The following DYNC1I1 variants were observed in gnomAD, a reference collection of about 807,000 sequenced individuals.
The protein encoded by DYNC1I1 is dynein cytoplasmic 1 intermediate chain 1, also known as cytoplasmic dynein 1 intermediate chain 1.
DYNC1I1 carries 43 observed loss-of-function variants against 86.6 expected under a neutral mutation model. The ratio of observed to expected loss-of-function variants is 0.50; its 90% CI spans 0.39 to 0.64. The LOEUF (loss-of-function observed/expected upper bound fraction) is 0.64, where lower values mean the gene tolerates loss of function less well. Among genes scored for constraint, DYNC1I1 ranks in the 30% least tolerant of loss-of-function variants. The pLI, the probability that DYNC1I1 is intolerant of heterozygous loss-of-function variation, is 0.00. For synonymous variants in DYNC1I1, 262 were observed against 283.7 expected, an observed-to-expected ratio of 0.92 and a Z score of 0.77; for missense variants, 604 against 788.8, an observed-to-expected ratio of 0.77 and a Z score of 2.81.
intron 1 of DYNC1I1, chr7:95,804,261 G>A (rs1307227051): frequency 3.0e-6 from 2 of 668,486 alleles, no homozygotes; most frequent in Non-Finnish European, 4.1e-6. Context: ...TGTTTATTGA[G>A]TCCATAGAAA....
At chr7:95,786,215 G>A (rs967284413) in intron 1 of DYNC1I1, among the ~76,000 whole-genome samples, 18 of 151,848 alleles carry the variant, frequency 1.2e-4, no homozygotes, top group Middle Eastern at 3.2e-3. Flanking sequence ...TCCCCATTGC[G>A]CCCTGCCACC....
intron 6 of DYNC1I1, among the ~76,000 whole-genome samples, chr7:95,922,800 T>G (rs1310907566): frequency 6.6e-6 from 1 of 152,050 alleles, no homozygotes; most frequent in Non-Finnish European, 1.5e-5. Flanking sequence ...TAGAACTATT[T>G]AATTATTTGT....
chr7:96,046,148 G>A (rs1186923236), intron 14 of DYNC1I1, among the ~76,000 whole-genome samples: 3 of 152,180 alleles, frequency 2.0e-5, no homozygotes, highest in Non-Finnish European at 4.4e-5. Flanking sequence ...AGGCAGCTGA[G>A]TCAACAAATG....
intron 5 of DYNC1I1, among the ~76,000 whole-genome samples, chr7:95,851,294 G>A (rs1298306637): frequency 6.6e-6 from 1 of 152,144 alleles, no homozygotes; most frequent in Non-Finnish European, 1.5e-5. Flanking sequence ...TTTGTGGGTA[G>A]CATATACAGC....
chr7:95,846,323 A>G (rs534564846), intron 5 of DYNC1I1, among the ~76,000 whole-genome samples: 4 of 152,220 alleles, frequency 2.6e-5, no homozygotes, highest in Non-Finnish European at 5.9e-5. Context: ...CTCTCATCCT[A>G]GAAATTTACT....
intron 14 of DYNC1I1, among the ~76,000 whole-genome samples, chr7:96,049,893 C>T (rs1382040056): frequency 1.3e-5 from 2 of 151,750 alleles, no homozygotes; most frequent in African/African-American, 4.8e-5. Context: ...ATTAGCCACG[C>T]ATGATGGCTC....
At chr7:96,096,251 C>G (rs979646650) in intron 16 of DYNC1I1, among the ~76,000 whole-genome samples, 1 of 151,996 alleles carries the variant, frequency 6.6e-6, no homozygotes, top group Non-Finnish European at 1.5e-5. Flanking sequence ...TCATTTGGCT[C>G]TGTGTGGTGG....
chr7:95,931,014 G>C (rs1393111960), intron 6 of DYNC1I1, among the ~76,000 whole-genome samples: 1 of 152,156 alleles, frequency 6.6e-6, no homozygotes, highest in Admixed American at 6.5e-5. Context: ...GATGCTTATT[G>C]GGAAGATCGT....
intron 14 of DYNC1I1, among the ~76,000 whole-genome samples, chr7:96,045,768 A>G (rs961586053): frequency 6.6e-6 from 1 of 152,144 alleles, no homozygotes; most frequent in African/African-American, 2.4e-5. Context: ...TCATGGAATA[A>G]GAGATGTGGG....
At chr7:95,997,681 CT>C in intron 10 of DYNC1I1, among the ~76,000 whole-genome samples, 1 of 149,310 alleles carries the variant, frequency 6.7e-6, no homozygotes, top group East Asian at 2.0e-4. Context: ...TAGTTTCTCC[CT>C]TAATGATCCA....
intron 4 of DYNC1I1, among the ~76,000 whole-genome samples, chr7:95,824,561 G>C (rs1795163788): frequency 6.6e-6 from 1 of 152,132 alleles, no homozygotes; most frequent in Non-Finnish European, 1.5e-5. Flanking sequence ...TTGGTAAAAT[G>C]GCTGGAAAAT....
At chr7:96,090,948 A>T (rs763409514) in intron 16 of DYNC1I1, among the ~76,000 whole-genome samples, 1 of 152,118 alleles carries the variant, frequency 6.6e-6, no homozygotes, top group Non-Finnish European at 1.5e-5. Flanking sequence ...CCCGGGAGTT[A>T]AATACAGTGG....
intron 6 of DYNC1I1, among the ~76,000 whole-genome samples, chr7:95,883,389 T>C (rs1790506757): frequency 6.6e-6 from 1 of 152,132 alleles, no homozygotes; most frequent in Admixed American, 6.5e-5. Context: ...TAAAACGGCA[T>C]GTGGTTTATA....
intron 6 of DYNC1I1, among the ~76,000 whole-genome samples, chr7:95,871,937 G>A (rs993259815): frequency 7.9e-5 from 12 of 152,236 alleles, no homozygotes; most frequent in Non-Finnish European, 1.0e-4. Flanking sequence ...AGCTACCATA[G>A]TTCTTGACAT....
intron 2 of DYNC1I1, among the ~76,000 whole-genome samples, chr7:95,805,429 T>G (rs1448518135): frequency 6.6e-6 from 1 of 152,086 alleles, no homozygotes; most frequent in South Asian, 2.1e-4. Context: ...AGAGAGAAGG[T>G]AAATAGGATA....
downstream of DYNC1I1, among the ~76,000 whole-genome samples, chr7:96,103,102 C>T (rs1414180164): frequency 6.6e-6 from 1 of 152,204 alleles, no homozygotes; most frequent in Non-Finnish European, 1.5e-5. Flanking sequence ...TTTACCAGCA[C>T]ACCTCCTCCA....
At chr7:96,043,153 G>T (rs1460062580) in intron 14 of DYNC1I1, among the ~76,000 whole-genome samples, 1 of 144,142 alleles carries the variant, frequency 6.9e-6, no homozygotes, top group Non-Finnish European at 1.5e-5. Flanking sequence ...TGGTGACAGA[G>T]TGAGACTCCA....
chr7:95,776,158 A>G (rs112153487), intron 1 of DYNC1I1, among the ~76,000 whole-genome samples: 2,676 of 152,238 alleles, frequency 0.018, 68 homozygotes, highest in African/African-American at 0.059. Context: ...GCACCACTGC[A>G]GTCCAGCCTG....
intron 6 of DYNC1I1, among the ~76,000 whole-genome samples, chr7:95,909,046 G>T (rs1027184645): frequency 2.6e-5 from 4 of 151,650 alleles, no homozygotes; most frequent in African/African-American, 7.3e-5. Flanking sequence ...TCCTGGAACA[G>T]ACCAAAAAGG....
Sources: gnomAD v4.1 joint callset for allele counts (sites outside exome capture counted in the v4.1 genomes callset) on GRCh38, gnomAD v4.1.1 for gene constraint, MANE v1.5 for transcripts, NCBI Gene and HGNC (gene_info 2026-07-23, HGNC 2026-07-21) for gene names.